CLP1: variants seen among roughly 807,000 people sequenced by gnomAD.
The protein encoded by CLP1 is polyribonucleotide 5'-hydroxyl-kinase Clp1.
Under a neutral mutation model 29.9 loss-of-function variants are expected in CLP1, and 18 were observed. The observed-to-expected ratio is 0.60, with a 90% CI of 0.42 to 0.89. The LOEUF (loss-of-function observed/expected upper bound fraction) is 0.89. CLP1 is among the 40% of genes least tolerant of loss of function. CLP1 has a pLI of 0.00. For missense variants in CLP1, 357 were observed against 544.8 expected (o/e 0.66, Z 3.43); for synonymous variants, 162 against 206.2 (o/e 0.79, Z 1.84).
At chr11:57,658,142 A>G (rs1318890643) in intron 1 of CLP1, among the ~76,000 whole-genome samples, 1 of 152,208 alleles carries the variant, frequency 6.6e-6, no homozygotes, top group Non-Finnish European at 1.5e-5. Context: ...GACAGCTTCA[A>G]AGGTTCAGAG....
rs776660648 is a variant in CLP1 at position 57,659,980 on chromosome 11, C to T, written c.504C>T (p.Ile168=). ...SIPGTMGALY[I]ERPADVEEGF... ...CTGGTACCATGGGGGCCCTCTACAT[C>T]GAGCGGCCTGCAGATGTCGAAGAGG... The change falls in exon 2 of 3, where the codon ATC becomes ATT. Residue 168 remains isoleucine (I), a synonymous_variant. Coordinates refer to ENST00000533682, the MANE Select transcript of CLP1 (RefSeq NM_006831.3). 20 of 1,613,472 alleles carry T rather than the reference C, an allele frequency of 1.2e-5. 1 individual carries two copies. Among genetic ancestry groups the T allele is most frequent in the East Asian group, 6.7e-5 (3 of 44,882 alleles).
At chr11:57,659,140 G>A (rs1945848642) in intron 1 of CLP1, among the ~76,000 whole-genome samples, 1 of 148,798 alleles carries the variant, frequency 6.7e-6, no homozygotes, top group Non-Finnish European at 1.5e-5. Context: ...CTAGCATGCA[G>A]TGGCACAATC....
chr11:57,660,033 A>G lies in CLP1; in HGVS notation c.557A>G (p.Tyr186Cys). ...TTCTCTATCCAGGCCCCTCTGGTGT[A>G]TCATTTTGGTTCCACCACTCCTGGC... ...EGFSIQAPLVYHFGSTTPGTN... is the reference protein window; with the variant it reads ...EGFSIQAPLVCHFGSTTPGTN... Residue 186 changes from tyrosine (Y) to cysteine (C), a missense_variant, in exon 2 of 3, where the codon TAT (tyrosine) becomes TGT (cysteine). Tyr to Cys is a radical substitution (Grantham distance 194). Transcript: ENST00000533682. 6.2e-7 allele frequency: 1 copy of G among 1,605,276 alleles called. No homozygotes were observed. Among genetic ancestry groups the G allele is most frequent in the Non-Finnish European group, 8.5e-7 (1 of 1,174,700 alleles).
chr11:57,659,940 G>T lies in CLP1; in HGVS notation c.464G>T (p.Gly155Val). The change falls in exon 2 of 3, where the codon GGT (glycine) becomes GTT (valine). Residue 155 changes from glycine to valine, a missense_variant. Transcript: ENST00000533682. The stretch of plus-strand genomic sequence containing the variant: ...TATGTGGAGCTGGATGTGGGCCAGG[G>T]TTCTGTGTCCATCCCTGGTACCATG... ...PTYVELDVGQGSVSIPGTMGA... is the reference protein window; with the variant it reads ...PTYVELDVGQVSVSIPGTMGA... 6.2e-7 allele frequency: 1 copy of T among 1,614,156 alleles called. No homozygotes were observed. Among genetic ancestry groups the T allele is most frequent in the Non-Finnish European group, 8.5e-7 (1 of 1,180,006 alleles).
chr11:57,658,935 T>G (rs1428012836), intron 1 of CLP1, among the ~76,000 whole-genome samples: 1 of 151,550 alleles, frequency 6.6e-6, no homozygotes, highest in South Asian at 2.1e-4. Context: ...CCACCAGGCC[T>G]GGCCAATATT....
Position 57,659,388 on chromosome 11 carries a change from C to T in CLP1, c.-22-67C>T, listed in dbSNP as rs371841904. 16 of 1,473,952 alleles carry T rather than the reference C, an allele frequency of 1.1e-5. 1 individual carries two copies. The African/African-American group carries it at 1.3e-4, about 12-fold the overall frequency. 91.3% of individuals were successfully genotyped at this position (1,473,952 alleles called of 1,614,324 possible). A position where few individuals can be genotyped will look rare whatever the true frequency, so the allele number is the denominator to read the frequency against. On this transcript the variant is annotated intron_variant, in intron 1 of 2. Transcript: ENST00000533682. ...ACAGGCGTGAGCCACCATGCCTGGCCCCATTGGATGTTTTTGTAACAGAAG... is the reference window on the plus strand; with the variant it reads ...ACAGGCGTGAGCCACCATGCCTGGCTCCATTGGATGTTTTTGTAACAGAAG...
chr11:57,660,821 A>G lies in CLP1; in HGVS notation c.663A>G (p.Ala221=). ...FNQRCEVNRR[A]SVSGCVINTC... Reference sequence around the variant, plus strand: ...AAAGGTGTGAGGTGAACCGAAGGGCATCTGTGAGTGGCTGTGTCATTAACA... The same window carrying G: ...AAAGGTGTGAGGTGAACCGAAGGGCGTCTGTGAGTGGCTGTGTCATTAACA... Residue 221 remains alanine, a synonymous_variant, in exon 3 of 3, where the codon GCA becomes GCG. Transcript: ENST00000533682. The G allele has an allele frequency of 6.2e-7, 1 of 1,613,026 alleles. No homozygotes were observed. The highest frequency in any genetic ancestry group is 8.5e-7 in the Non-Finnish European group (1 of 1,179,080).
At chr11:57,660,739 T>G in intron 2 of CLP1, 26 bp from the exon 3 acceptor site, 1 of 1,541,120 alleles carries the variant, frequency 6.5e-7, no homozygotes. Flanking sequence ...GTGTTTTTGT[T>G]CTTACCTTGA....
intron 2 of CLP1, among the ~76,000 whole-genome samples, chr11:57,660,422 A>C (rs2135361705): frequency 6.6e-6 from 1 of 152,330 alleles, no homozygotes; most frequent in South Asian, 2.1e-4. Context: ...TGGGAGGCTG[A>C]GACGGGTGGA....
intron 1 of CLP1, among the ~76,000 whole-genome samples, chr11:57,658,537 A>T (rs1353382957): frequency 6.6e-6 from 1 of 152,212 alleles, no homozygotes; most frequent in Non-Finnish European, 1.5e-5. Flanking sequence ...ATATAGTGAG[A>T]CCGATGGTGA....
chr11:57,661,607 T>C lies in CLP1; in HGVS notation c.*171T>C, dbSNP rs971618531. The stretch of plus-strand genomic sequence containing the variant: ...GGTAGTGGTAACCTGACTCTTCTAA[T>C]CTTGAACCAAAAGGAAAACCATGAG... On this transcript the variant is annotated 3_prime_UTR_variant, in exon 3 of 3. Coordinates refer to ENST00000533682, the MANE Select transcript of CLP1 (RefSeq NM_006831.3). 6.4e-5 allele frequency: 38 copies of C among 597,068 alleles called. No homozygotes were observed. Among genetic ancestry groups the C allele is most frequent in the Admixed American group, 9.8e-5 (3 of 30,620 alleles). The allele number at this position is 597,068 out of a possible 1,614,324, so 37.0% of individuals were successfully genotyped here.
rs1457299535 is a variant in CLP1, at chr11:57,659,486, G to T, written c.10G>T (p.Glu4Ter). The change falls in exon 2 of 3, where the codon GAG becomes TAG. Residue 4 changes from glutamate (E) to a stop codon, truncating the protein, a stop_gained. Coordinates refer to ENST00000533682, the MANE Select transcript of CLP1 (RefSeq NM_006831.3). LOFTEE classifies it high-confidence loss of function. Reference sequence around the variant, plus strand: ...CAGCTACACAGAAGAGATGGGAGAAGAGGCTAATGATGACAAGAAGCCAAC... The same window carrying T: ...CAGCTACACAGAAGAGATGGGAGAATAGGCTAATGATGACAAGAAGCCAAC... MGE[E>*]ANDDKKPTTK... is the part of the protein sequence containing the mutation. The T allele has an allele frequency of 6.2e-7, 1 of 1,614,060 alleles. No individual in the cohort carries two copies. The highest frequency in any genetic ancestry group is 8.5e-7 in the Non-Finnish European group (1 of 1,180,030).
In CLP1 at chr11:57,659,495, G is replaced by C. The variant is rs1475558415; in HGVS notation, c.19G>C (p.Asp7His). 1 of 1,614,144 alleles carries C rather than the reference G, an allele frequency of 6.2e-7. No individual in the cohort carries two copies. Among genetic ancestry groups the C allele is most frequent in the South Asian group, 1.1e-5 (1 of 91,082 alleles). The change falls in exon 2 of 3, where the codon GAT becomes CAT. Residue 7 changes from aspartate (D) to histidine (H), a missense_variant. Transcript: ENST00000533682. Reference sequence around the variant, plus strand: ...AGAAGAGATGGGAGAAGAGGCTAATGATGACAAGAAGCCAACCACTAAATT... The same window carrying C: ...AGAAGAGATGGGAGAAGAGGCTAATCATGACAAGAAGCCAACCACTAAATT... Reference protein sequence around the residue: MGEEANDDKKPTTKFEL... With the variant: MGEEANHDKKPTTKFEL...
chr11:57,660,522 G>A (rs1373710540), intron 2 of CLP1, among the ~76,000 whole-genome samples: 1 of 152,190 alleles, frequency 6.6e-6, no homozygotes, highest in Non-Finnish European at 1.5e-5. Flanking sequence ...GGGCGTGGTG[G>A]CTGGTGCCTG....
At position 57,660,812 on chromosome 11, in the gene CLP1, C is replaced by A. The variant is rs1945868924; in HGVS notation, c.654C>A (p.Asn218Lys). 2 of 1,611,556 alleles carry A rather than the reference C, an allele frequency of 1.2e-6. No individual in the cohort carries two copies. The highest frequency in any genetic ancestry group is 2.2e-5 in the East Asian group (1 of 44,786). ...TGTTCAACCAAAGGTGTGAGGTGAA[C>A]CGAAGGGCATCTGTGAGTGGCTGTG... ...ADVFNQRCEV[N>K]RRASVSGCVI... The change falls in exon 3 of 3, where the codon AAC becomes AAA. Residue 218 changes from asparagine to lysine, a missense_variant. Transcript: ENST00000533682.
chr11:57,657,828 C>T lies in CLP1; in HGVS notation c.-55C>T, dbSNP rs1945836313. 1 of 152,336 alleles carries T rather than the reference C, an allele frequency of 6.6e-6. No individual in the cohort carries two copies. The highest frequency in any genetic ancestry group is 2.4e-5 in the African/African-American group (1 of 41,438). 9.4% of individuals were successfully genotyped at this position (152,336 alleles called of 1,614,324 possible). On this transcript the variant is annotated 5_prime_UTR_variant, in exon 1 of 3. Coordinates refer to ENST00000533682, the MANE Select transcript of CLP1 (RefSeq NM_006831.3). ...TTTAAATTCTGCACGGGAGGACCTT[C>T]TGAGTTTACCTGTTGGGCTCCTGGC...
At position 57,660,942 on chromosome 11, in the gene CLP1, C is replaced by G. The variant is rs952926202; in HGVS notation, c.784C>G (p.Leu262Val). Residue 262 changes from leucine (L) to valine (V), a missense_variant, in exon 3 of 3, where the codon CTG (leucine) becomes GTG (valine). Physicochemically the swap from Leu to Val is conservative, Grantham distance 32. Coordinates refer to ENST00000533682, the MANE Select transcript of CLP1 (RefSeq NM_006831.3). Reference sequence around the variant, plus strand: ...CGTTGTTGTTCTGGATCAAGAACGACTGTACAATGAACTGAAACGGGACCT... The same window carrying G: ...CGTTGTTGTTCTGGATCAAGAACGAGTGTACAATGAACTGAAACGGGACCT... ...DVVVVLDQER[L>V]YNELKRDLPH... The G allele has an allele frequency of 1.9e-6, 3 of 1,614,230 alleles. No individual in the cohort carries two copies. Among genetic ancestry groups the G allele is most frequent in the Middle Eastern group, 1.6e-4 (1 of 6,062 alleles).
chr11:57,661,659 A>G lies in CLP1; in HGVS notation c.*223A>G. On this transcript the variant is annotated 3_prime_UTR_variant, in exon 3 of 3. Coordinates refer to ENST00000533682, the MANE Select transcript of CLP1 (RefSeq NM_006831.3). ...CTGTAATTGGTTTCTTAGACCACCT[A>G]AGATGCCACTTTGAATTCTCTAAGA... 1.9e-6 allele frequency: 1 copy of G among 533,108 alleles called. No homozygotes were observed. 33.0% of individuals were successfully genotyped at this position (533,108 alleles called of 1,614,324 possible).
chr11:57,660,179 ATTTCTGCTGCATTACTT>A, intron 2 of CLP1, 97 bp downstream of exon 2: 1 of 1,294,296 alleles, frequency 7.7e-7, no homozygotes, highest in Non-Finnish European at 1.0e-6. Flanking sequence ...CTCAGCTGGT[ATTTCTGCTGCATTACTT>A]TAGAAAGGCA....
Sources: gnomAD v4.1 joint callset for allele counts (sites outside exome capture counted in the v4.1 genomes callset) on GRCh38, gnomAD v4.1.1 for gene constraint, MANE v1.5 for transcripts, NCBI Gene and HGNC (gene_info 2026-07-23, HGNC 2026-07-21) for gene names.